The following FNDC3A variants were observed in gnomAD, a reference collection of about 807,000 sequenced individuals.
The protein encoded by FNDC3A is fibronectin type III domain containing 3A.
Under a neutral mutation model 148.9 loss-of-function variants are expected in FNDC3A, and 32 were observed. That is an observed-to-expected ratio of 0.21 (90% CI 0.16 to 0.29). The LOEUF (loss-of-function observed/expected upper bound fraction) is 0.29, where lower values mean the gene tolerates loss of function less well. FNDC3A is among the 10% of genes least tolerant of loss of function. The probability of loss-of-function intolerance (pLI) is 1.00; values close to 1 mark genes in which losing one functional copy is unlikely to be tolerated. For missense variants in FNDC3A, 1,191 were observed against 1,452.8 expected (o/e 0.82, Z 2.93); for synonymous variants, 472 against 473.6 (o/e 1.00, Z 0.04).
At chr13:49,085,894 T>TC (rs1376532149) in intron 3 of FNDC3A, among the ~76,000 whole-genome samples, 7 of 149,316 alleles carry the variant, frequency 4.7e-5, no homozygotes, top group South Asian at 2.1e-4. Context: ...TTTTTTTTTT[T>TC]CCCCTTGAGA....
At position 49,067,002 on chromosome 13, in the gene FNDC3A, G is replaced by T. The variant is rs115306027; in HGVS notation, c.100-8287G>T. On this transcript the variant is annotated intron_variant, in intron 2 of 25. Transcript: ENST00000492622. Reference sequence around the variant, plus strand: ...CTCGGAGAAGACTTTATGGGCAAAAGTGTAGAGGCAGGAAGGAATGTTTGG... The same window carrying T: ...CTCGGAGAAGACTTTATGGGCAAAATTGTAGAGGCAGGAAGGAATGTTTGG... Among the ~76,000 whole-genome samples the T allele has an allele frequency of 9.3e-3, 1,408 of 152,204 alleles. 21 individuals are homozygous for T. Among genetic ancestry groups the T allele is most frequent in the African/African-American group, 0.032 (1,323 of 41,528 alleles).
At chr13:49,017,764 G>A (rs1402907785) in intron 2 of FNDC3A, among the ~76,000 whole-genome samples, 4 of 151,716 alleles carry the variant, frequency 2.6e-5, no homozygotes, top group East Asian at 1.9e-4. Flanking sequence ...CATGTTTAGC[G>A]CTTCCTTCAG....
intron 3 of FNDC3A, among the ~76,000 whole-genome samples, chr13:49,108,727 G>C (rs1395840856): frequency 6.6e-6 from 1 of 152,202 alleles, no homozygotes; most frequent in African/African-American, 2.4e-5. Flanking sequence ...GAAGATCAGA[G>C]ACATGGTCGG....
At chr13:49,172,197 C>CA (rs916131228) in intron 11 of FNDC3A, 101 bp downstream of exon 11, 4 of 680,520 alleles carry the variant, frequency 5.9e-6, no homozygotes, top group African/African-American at 3.7e-5. Context: ...ATTCTTCTGT[C>CA]AAAAAAAGTA....
At chr13:49,153,192 C>G (rs1014663553) in intron 8 of FNDC3A, among the ~76,000 whole-genome samples, 1 of 151,376 alleles carries the variant, frequency 6.6e-6, no homozygotes, top group South Asian at 2.1e-4. Flanking sequence ...TGTTTCCTGA[C>G]TTTTTAATGA....
At chr13:49,192,395 G>C (rs888680845) in intron 19 of FNDC3A, among the ~76,000 whole-genome samples, 15 of 152,038 alleles carry the variant, frequency 9.9e-5, no homozygotes, top group African/African-American at 3.6e-4. Flanking sequence ...CCTGGGCTCA[G>C]GTGACCCTTC....
chr13:49,050,008 C>A (rs187001585), intron 2 of FNDC3A, among the ~76,000 whole-genome samples: 5 of 152,358 alleles, frequency 3.3e-5, no homozygotes, highest in Admixed American at 1.3e-4. Context: ...GCGTGAGCCA[C>A]GGCGAACAGC....
intron 8 of FNDC3A, among the ~76,000 whole-genome samples, chr13:49,152,563 A>G (rs1275945127): frequency 1.3e-5 from 2 of 152,020 alleles, no homozygotes; most frequent in East Asian, 1.9e-4. Context: ...CACATTGTGC[A>G]GGTTAGTTAC....
chr13:49,186,138 T>G, intron 15 of FNDC3A, 36 bp downstream of exon 15: 1 of 1,506,928 alleles, frequency 6.6e-7, no homozygotes. Context: ...TTATTACTTT[T>G]GCGTTTGATT....
At chr13:49,197,906 C>G (rs1437376201) in intron 21 of FNDC3A, 32 bp downstream of exon 21, 1 of 1,590,420 alleles carries the variant, frequency 6.3e-7, no homozygotes. Context: ...TCACTTAACT[C>G]TATCCAGAGT....
intron 19 of FNDC3A, among the ~76,000 whole-genome samples, chr13:49,193,351 C>G (rs1045303753): frequency 6.6e-6 from 1 of 152,154 alleles, no homozygotes; most frequent in Non-Finnish European, 1.5e-5. Flanking sequence ...ACCTCAACCT[C>G]CCAGGCTTAA....
rs771071135 is a variant in FNDC3A at position 49,041,813 on chromosome 13, C to CAA, written c.100-33460_100-33459dup. Among the ~76,000 whole-genome samples, 442 of 64,322 alleles carry CAA rather than the reference C, an allele frequency of 6.9e-3. 4 individuals carry two copies. Among genetic ancestry groups the CAA allele is most frequent in the African/African-American group, 0.021 (419 of 19,812 alleles). The allele number at this position is 64,322 out of a possible 152,430, so 42.2% of individuals were successfully genotyped here. A position where few individuals can be genotyped will look rare whatever the true frequency, so the allele number is the denominator to read the frequency against. ...GCAACAACAAAGCGAGACTCTGTCT[C>CAA]AAAAAAAAAAAAAAAAAGAAAAGAA... On this transcript the variant is annotated intron_variant, in intron 2 of 25. Transcript: ENST00000492622.
intron 25 of FNDC3A, among the ~76,000 whole-genome samples, chr13:49,206,169 C>T (rs952139837): frequency 2.6e-5 from 4 of 152,134 alleles, no homozygotes; most frequent in Non-Finnish European, 4.4e-5. Flanking sequence ...CTGAGCACTG[C>T]GCTAAGTGCT....
intron 5 of FNDC3A, 72 bp downstream of exon 5, chr13:49,131,446 T>A: frequency 9.2e-7 from 1 of 1,087,556 alleles, no homozygotes; most frequent in Non-Finnish European, 1.4e-6. Context: ...GATGCCATTA[T>A]CATATCACAT....
chr13:49,186,245 A>G, intron 15 of FNDC3A, 143 bp downstream of exon 15: 1 of 633,556 alleles, frequency 1.6e-6, no homozygotes, highest in Non-Finnish European at 2.5e-6. Context: ...TTCATTGGGT[A>G]TGTTTTTTGT....
At chr13:49,194,921 G>A (rs1337426803) in intron 19 of FNDC3A, among the ~76,000 whole-genome samples, 2 of 151,936 alleles carry the variant, frequency 1.3e-5, no homozygotes, top group African/African-American at 2.4e-5. Context: ...CCTATCTTCT[G>A]TTTATAAAAT....
At position 49,051,232 on chromosome 13, in the gene FNDC3A, T is replaced by C. The variant is rs144538539; in HGVS notation, c.100-24057T>C. ...TCTTGGGTTTTTGTTTTGTTTTGTTTTGTTTTTTCATTGTGTTATTGTTAT... is the reference window on the plus strand; with the variant it reads ...TCTTGGGTTTTTGTTTTGTTTTGTTCTGTTTTTTCATTGTGTTATTGTTAT... On this transcript the variant is annotated intron_variant, in intron 2 of 25. Coordinates refer to ENST00000492622, the MANE Select transcript of FNDC3A (RefSeq NM_001079673.2). Among the ~76,000 whole-genome samples the C allele has an allele frequency of 5.8e-4, 89 of 152,294 alleles. 1 individual carries two copies. Among genetic ancestry groups the C allele is most frequent in the Non-Finnish European group, 7.4e-5 (5 of 68,008 alleles).
chr13:49,166,691 A>C (rs145216246), intron 8 of FNDC3A, among the ~76,000 whole-genome samples: 211 of 152,194 alleles, frequency 1.4e-3, no homozygotes, highest in African/African-American at 4.9e-3. Context: ...ACACTGGACA[A>C]CCTTTCTAGG....
intron 3 of FNDC3A, among the ~76,000 whole-genome samples, chr13:49,098,860 AG>A (rs1346039362): frequency 6.6e-6 from 1 of 152,152 alleles, no homozygotes; most frequent in East Asian, 1.9e-4. Flanking sequence ...TCCAAGGAAA[AG>A]AAAGGTCTCT....
Sources: gnomAD v4.1 joint callset for allele counts (sites outside exome capture counted in the v4.1 genomes callset) on GRCh38, gnomAD v4.1.1 for gene constraint, MANE v1.5 for transcripts, NCBI Gene and HGNC (gene_info 2026-07-23, HGNC 2026-07-21) for gene names.